Variants in WDR27 observed in about 807,000 individuals in gnomAD.
WDR27 encodes WD repeat domain 27.
In WDR27, 100 loss-of-function variants were observed where a neutral mutation model predicts 114.4. That is an observed-to-expected ratio of 0.87 (90% CI 0.74 to 1.03). The LOEUF is 1.03. Ranked by LOEUF, WDR27 falls within the 50% of genes least tolerant of loss-of-function variation. The pLI is 0.00. For missense variants in WDR27, 1,129 were observed against 1,092.9 expected (o/e 1.03, Z -0.47); for synonymous variants, 449 against 423.1 (o/e 1.06, Z -0.75).
At chr6:169,456,704 G>C (rs1784358769), downstream of WDR27, among the ~76,000 whole-genome samples, 1 of 152,102 alleles carries the variant, frequency 6.6e-6, no homozygotes, top group Admixed American at 6.5e-5. The surrounding 1 kb of genome is among the most constrained non-coding windows in gnomAD (Gnocchi z 4.0). Flanking sequence ...AAAGGTCCTG[G>C]GACAGAGGCC....
intron 5 of WDR27, chr6:169,667,450 A>G: frequency 1.1e-6 from 1 of 940,412 alleles, no homozygotes; most frequent in Non-Finnish European, 1.3e-6. Context: ...AACAAGGTGA[A>G]AAACAGTTCC....
the WDR27 span, among the ~76,000 whole-genome samples, chr6:169,434,710 G>T: frequency 6.6e-6 from 1 of 152,240 alleles, no homozygotes; most frequent in Non-Finnish European, 1.5e-5. Flanking sequence ...AAGCATTCAA[G>T]ATGTGACTTG....
chr6:169,655,219 C>T (rs1023693176), intron 13 of WDR27, among the ~76,000 whole-genome samples: 4 of 152,230 alleles, frequency 2.6e-5, no homozygotes, highest in Non-Finnish European at 4.4e-5. Context: ...GGCAAGAGCT[C>T]CGGGCAGGAG....
chr6:169,481,731 A>G (rs1342963552), intron 25 of WDR27, among the ~76,000 whole-genome samples: 2 of 151,516 alleles, frequency 1.3e-5, no homozygotes, highest in African/African-American at 2.4e-5. Context: ...ACAACTCCAG[A>G]CGGGAGGAAT....
chr6:169,462,276 C>A (rs1179563261), intron 25 of WDR27, among the ~76,000 whole-genome samples: 1 of 152,034 alleles, frequency 6.6e-6, no homozygotes, highest in Non-Finnish European at 1.5e-5. Context: ...GAACCCCCAT[C>A]TTTACTAAAA....
At chr6:169,551,737 C>CAAAA (rs1296878043) in intron 25 of WDR27, among the ~76,000 whole-genome samples, 2 of 60,690 alleles carry the variant, frequency 3.3e-5, no homozygotes, top group African/African-American at 4.5e-5. Context: ...GACTCCATCT[C>CAAAA]AAAAAAAAAA....
chr6:169,519,647 T>C (rs1341210960), intron 25 of WDR27, among the ~76,000 whole-genome samples: 1 of 152,036 alleles, frequency 6.6e-6, no homozygotes, highest in African/African-American at 2.4e-5. Context: ...AGGCCCTCCC[T>C]CCAATGTGGG....
downstream of WDR27, among the ~76,000 whole-genome samples, chr6:169,453,592 T>C (rs1017745988): frequency 1.4e-4 from 21 of 152,208 alleles, no homozygotes; most frequent in African/African-American, 4.8e-4. Context: ...ACCTTCAAAA[T>C]TGCAGAGAAC....
chr6:169,505,582 A>G (rs1213054750), intron 25 of WDR27, among the ~76,000 whole-genome samples: 2 of 152,176 alleles, frequency 1.3e-5, no homozygotes, highest in Admixed American at 1.3e-4. Flanking sequence ...CCTATACTCC[A>G]AGAATAGTCC....
At position 169,701,826 on chromosome 6, in the gene WDR27, C is replaced by G. The variant is rs542801899; in HGVS notation, c.-283G>C. 5 of 295,908 alleles carry G rather than the reference C, an allele frequency of 1.7e-5. No homozygotes were observed. Among genetic ancestry groups the G allele is most frequent in the Non-Finnish European group, 3.3e-5 (5 of 152,778 alleles). The allele number at this position is 295,908 out of a possible 1,614,324, so 18.3% of individuals were successfully genotyped here. The stretch of plus-strand genomic sequence containing the variant: ...GAGCCGCGAGCAACCGCGCAGCCCC[C>G]GCGCTCCAGCCCTGCGCCCTAGGCA... On this transcript the variant is annotated 5_prime_UTR_variant, in exon 1 of 26. Coordinates refer to ENST00000448612, the MANE Select transcript of WDR27 (RefSeq NM_182552.5).
At chr6:169,690,759 G>A (rs1459816758) in intron 1 of WDR27, among the ~76,000 whole-genome samples, 3 of 152,210 alleles carry the variant, frequency 2.0e-5, no homozygotes, top group African/African-American at 7.2e-5. Flanking sequence ...CCAGCCCCTT[G>A]ACTGAGAAGT....
chr6:169,557,897 C>G (rs1799145689), intron 25 of WDR27, among the ~76,000 whole-genome samples: 1 of 152,106 alleles, frequency 6.6e-6, no homozygotes. Flanking sequence ...ATACTGTACA[C>G]TGTTTTAGAC....
the WDR27 span, among the ~76,000 whole-genome samples, chr6:169,451,279 C>T: frequency 6.6e-6 from 1 of 152,184 alleles, no homozygotes; most frequent in African/African-American, 2.4e-5. Context: ...AACCTGGAAG[C>T]CCCCTGCGCG....
intron 13 of WDR27, 145 bp downstream of exon 13, chr6:169,658,131 G>A: frequency 1.5e-6 from 1 of 676,500 alleles, no homozygotes; most frequent in Non-Finnish European, 2.6e-6. Context: ...ACGCACGAGA[G>A]GCAGAGACAT....
intron 25 of WDR27, among the ~76,000 whole-genome samples, chr6:169,495,921 G>A (rs1459082160): frequency 6.6e-6 from 1 of 151,998 alleles, no homozygotes; most frequent in African/African-American, 2.4e-5. Context: ...CTCATTCTGT[G>A]AGGACAGCAT....
intron 23 of WDR27, among the ~76,000 whole-genome samples, chr6:169,598,216 T>C (rs1054764623): frequency 6.6e-6 from 1 of 152,186 alleles, no homozygotes; most frequent in African/African-American, 2.4e-5. Flanking sequence ...GGATTTAGGG[T>C]GGGCTGTAAA....
At chr6:169,512,733 G>T (rs1793064838) in intron 25 of WDR27, among the ~76,000 whole-genome samples, 1 of 152,170 alleles carries the variant, frequency 6.6e-6, no homozygotes, top group South Asian at 2.1e-4. Context: ...AGATAGTAGA[G>T]GTAATGGCTT....
the WDR27 span, among the ~76,000 whole-genome samples, chr6:169,448,193 C>T: frequency 5.9e-5 from 9 of 152,104 alleles, no homozygotes; most frequent in African/African-American, 1.4e-4. Context: ...CGTGAGCCAC[C>T]GTGCCTGGCC....
intron 25 of WDR27, among the ~76,000 whole-genome samples, chr6:169,504,520 G>A (rs573387402): frequency 2.1e-5 from 3 of 142,432 alleles, no homozygotes; most frequent in South Asian, 4.2e-4. Context: ...GTGGAACTGT[G>A]AGTCAATTAA....
Sources: allele counts gnomAD v4.1 joint callset (sites outside exome capture counted in the v4.1 genomes callset), GRCh38; gene constraint gnomAD v4.1.1; non-coding constraint Gnocchi (gnomAD v3.1); transcripts MANE v1.5; gene names NCBI Gene and HGNC (gene_info 2026-07-23, HGNC 2026-07-21).